The following GRID2 variants were observed in gnomAD, a reference collection of about 807,000 sequenced individuals.
The protein encoded by GRID2 is glutamate ionotropic receptor delta type subunit 2.
Under a neutral mutation model 114.8 loss-of-function variants are expected in GRID2, and 33 were observed. The ratio of observed to expected loss-of-function variants is 0.29; its 90% CI spans 0.22 to 0.38. The LOEUF (loss-of-function observed/expected upper bound fraction) is 0.38, where lower values mean the gene tolerates loss of function less well. Among genes scored for constraint, GRID2 ranks in the 10% least tolerant of loss-of-function variants. The pLI is 1.00. For synonymous variants in GRID2, 505 were observed against 449.9 expected (o/e 1.12, Z -1.55); for missense variants, 1,184 against 1,257.7 (o/e 0.94, Z 0.89).
Position 92,480,229 on chromosome 4 carries a change from T to G in GRID2, c.89-109902T>G, listed in dbSNP as rs563760512. ...AGAAAGGAAAGAAATGGAATGAGAATTAAATAACTTACTTGAATTGTCTTG... is the reference window on the plus strand; with the variant it reads ...AGAAAGGAAAGAAATGGAATGAGAAGTAAATAACTTACTTGAATTGTCTTG... On this transcript the variant is annotated intron_variant, in intron 1 of 15. Coordinates refer to ENST00000282020, the MANE Select transcript of GRID2 (RefSeq NM_001510.4). Among the ~76,000 whole-genome samples, 20 of 152,258 alleles carry G rather than the reference T, an allele frequency of 1.3e-4. No individual in the cohort carries two copies. In the South Asian group the frequency reaches 4.1e-3, roughly 32 times the overall value.
chr4:93,659,307 G>A (rs1723283351), intron 14 of GRID2, among the ~76,000 whole-genome samples: 1 of 152,170 alleles, frequency 6.6e-6, no homozygotes, highest in Non-Finnish European at 1.5e-5. Flanking sequence ...ACTTATGGGT[G>A]CATATGGACC....
At chr4:92,980,421 A>G (rs1754120211) in intron 2 of GRID2, among the ~76,000 whole-genome samples, 1 of 152,050 alleles carries the variant, frequency 6.6e-6, no homozygotes, top group African/African-American at 2.4e-5. Context: ...ACATTTCACC[A>G]TTTAATATGA....
At chr4:92,428,891 G>T (rs750673513) in intron 1 of GRID2, among the ~76,000 whole-genome samples, 7 of 151,910 alleles carry the variant, frequency 4.6e-5, no homozygotes, top group Non-Finnish European at 1.0e-4. Context: ...TATACTTTAA[G>T]TTCTGGGATA....
chr4:93,144,698 G>C (rs1032501838), intron 4 of GRID2, among the ~76,000 whole-genome samples: 5 of 151,936 alleles, frequency 3.3e-5, no homozygotes, highest in African/African-American at 1.2e-4. Flanking sequence ...TCAGAACCAG[G>C]GTTTCTTCAT....
intron 13 of GRID2, among the ~76,000 whole-genome samples, chr4:93,594,902 C>G (rs1272257797): frequency 6.6e-6 from 1 of 152,226 alleles, no homozygotes; most frequent in East Asian, 1.9e-4. Flanking sequence ...ATGCCTCGCC[C>G]TGCTTCGGCT....
At chr4:92,316,508 A>T (rs1463645187) in intron 1 of GRID2, among the ~76,000 whole-genome samples, 2 of 152,220 alleles carry the variant, frequency 1.3e-5, no homozygotes, top group African/African-American at 2.4e-5. Flanking sequence ...ACATGAAACC[A>T]TAACGTGACA....
At chr4:93,525,992 T>C (rs1389278577) in intron 13 of GRID2, among the ~76,000 whole-genome samples, 1 of 152,202 alleles carries the variant, frequency 6.6e-6, no homozygotes, top group Non-Finnish European at 1.5e-5. Context: ...AATTGGAAAA[T>C]GCATATATAT....
intron 1 of GRID2, among the ~76,000 whole-genome samples, chr4:92,530,524 AAGAG>A (rs1195943987): frequency 6.7e-6 from 1 of 150,300 alleles, no homozygotes; most frequent in South Asian, 2.1e-4. Context: ...AAAAAAAAAA[AAGAG>A]AGACTTCCGA....
intron 8 of GRID2, among the ~76,000 whole-genome samples, chr4:93,313,496 G>A (rs1218259051): frequency 2.0e-5 from 3 of 152,172 alleles, no homozygotes; most frequent in Admixed American, 2.0e-4. Flanking sequence ...AGAGGATATA[G>A]TTCATTGTTA....
intron 1 of GRID2, among the ~76,000 whole-genome samples, chr4:93,804,823 C>G (rs553490213): frequency 2.6e-4 from 39 of 152,276 alleles, no homozygotes; most frequent in Middle Eastern, 3.4e-3. Context: ...TCCATGATTT[C>G]TTCTTTTATT....
At chr4:93,250,146 C>T (rs1236722199) in intron 8 of GRID2, among the ~76,000 whole-genome samples, 2 of 152,094 alleles carry the variant, frequency 1.3e-5, no homozygotes, top group African/African-American at 2.4e-5. Flanking sequence ...ACATAAACAC[C>T]ATGCAATACT....
At chr4:93,094,986 T>C (rs1320685758) in intron 3 of GRID2, among the ~76,000 whole-genome samples, 2 of 151,286 alleles carry the variant, frequency 1.3e-5, no homozygotes, top group Non-Finnish European at 3.0e-5. Context: ...TATAACAAAA[T>C]AAGACTATAT....
rs201360649 is a variant in GRID2 at position 92,634,122 on chromosome 4, A to AAC, written c.244+43837_244+43838insCA. Among the ~76,000 whole-genome samples the AAC allele has an allele frequency of 8.6e-3, 1,300 of 151,958 alleles. 21 individuals carry two copies. Among genetic ancestry groups the AAC allele is most frequent in the East Asian group, 0.069 (358 of 5,158 alleles). ...CTAGAAAACAAAAATTGCAAAAAAA[A>AAC]AAACAACAAAAAACAAAACTCATAA... On this transcript the variant is annotated intron_variant, in intron 2 of 15. Transcript: ENST00000282020.
At chr4:92,970,592 A>G (rs1305102916) in intron 2 of GRID2, among the ~76,000 whole-genome samples, 1 of 152,000 alleles carries the variant, frequency 6.6e-6, no homozygotes, top group Non-Finnish European at 1.5e-5. Flanking sequence ...CTGAGAGCAC[A>G]TATCTAGAAT....
At chr4:93,401,340 A>C (rs1765865893) in intron 9 of GRID2, among the ~76,000 whole-genome samples, 1 of 152,164 alleles carries the variant, frequency 6.6e-6, no homozygotes, top group Admixed American at 6.6e-5. Flanking sequence ...TAAATTAAAA[A>C]ACATAGTTTT....
intron 1 of GRID2, among the ~76,000 whole-genome samples, chr4:92,517,969 T>G (rs1443503622): frequency 6.6e-6 from 1 of 151,842 alleles, no homozygotes; most frequent in Admixed American, 6.6e-5. Flanking sequence ...ATTTTATAAG[T>G]AACTTCTAGA....
At chr4:93,224,094 A>G (rs1453938243) in intron 6 of GRID2, among the ~76,000 whole-genome samples, 1 of 152,160 alleles carries the variant, frequency 6.6e-6, no homozygotes, top group Non-Finnish European at 1.5e-5. Flanking sequence ...GTGTTCTTTC[A>G]TTATTTCATT....
intron 1 of GRID2, among the ~76,000 whole-genome samples, chr4:92,493,127 CAAAAAA>C (rs1043809824): frequency 2.1e-5 from 1 of 48,480 alleles, no homozygotes; most frequent in Admixed American, 2.1e-4. Context: ...GACTCCATCT[CAAAAAA>C]AAAAAAAAAA....
intron 8 of GRID2, among the ~76,000 whole-genome samples, chr4:93,386,647 A>G (rs1764342499): frequency 6.6e-6 from 1 of 152,192 alleles, no homozygotes; most frequent in Non-Finnish European, 1.5e-5. Flanking sequence ...CAAGGGTCAG[A>G]TGCATTAGTA....
Sources: allele counts gnomAD v4.1 joint callset (sites outside exome capture counted in the v4.1 genomes callset), GRCh38; gene constraint gnomAD v4.1.1; transcripts MANE v1.5; gene names NCBI Gene and HGNC (gene_info 2026-07-23, HGNC 2026-07-21).